Variants in DNAJC15 observed in about 807,000 individuals in gnomAD.
The protein encoded by DNAJC15 is DnaJ heat shock protein family (Hsp40) member C15, also known as dnaJ homolog subfamily C member 15.
Under a neutral mutation model 22.4 loss-of-function variants are expected in DNAJC15, and 27 were observed. The observed-to-expected ratio is 1.20, with a 90% CI of 0.89 to 1.66. The LOEUF is 1.66. DNAJC15 is among the 40% of genes most tolerant of loss of function. The pLI is 0.00. For synonymous variants in DNAJC15, 79 were observed against 63.2 expected (o/e 1.25, Z -1.19); for missense variants, 208 against 187.1 (o/e 1.11, Z -0.65).
intron 5 of DNAJC15, among the ~76,000 whole-genome samples, chr13:43,090,353 G>A (rs1593328624): frequency 6.6e-6 from 1 of 152,196 alleles, no homozygotes; most frequent in Non-Finnish European, 1.5e-5. Flanking sequence ...ATACTTCTAA[G>A]TTGGGTTTCA....
intron 1 of DNAJC15, among the ~76,000 whole-genome samples, chr13:43,031,465 T>C (rs1053904041): frequency 2.6e-5 from 4 of 152,154 alleles, no homozygotes; most frequent in African/African-American, 7.2e-5. Flanking sequence ...GACTGGGAAC[T>C]CCTCAGCAGC....
intron 5 of DNAJC15, among the ~76,000 whole-genome samples, chr13:43,088,903 C>T (rs2040701629): frequency 6.7e-6 from 1 of 150,286 alleles, no homozygotes; most frequent in Admixed American, 6.6e-5. Context: ...TTTCTTTTCC[C>T]TTCATTTCAG....
At chr13:43,058,889 G>C (rs2040543818) in intron 1 of DNAJC15, among the ~76,000 whole-genome samples, 1 of 152,156 alleles carries the variant, frequency 6.6e-6, no homozygotes, top group South Asian at 2.1e-4. Context: ...CTGTTTCCTG[G>C]ATTTTCAGGT....
intron 5 of DNAJC15, among the ~76,000 whole-genome samples, chr13:43,098,684 G>A (rs2040752898): frequency 6.6e-6 from 1 of 152,128 alleles, no homozygotes; most frequent in South Asian, 2.1e-4. Context: ...GATCACCTCA[G>A]GAAGAAACCC....
At chr13:43,054,425 A>G (rs1235896468) in intron 1 of DNAJC15, among the ~76,000 whole-genome samples, 1 of 152,208 alleles carries the variant, frequency 6.6e-6, no homozygotes, top group East Asian at 1.9e-4. Flanking sequence ...GCTTCATAGA[A>G]TGATTTAGGG....
rs981496464 is a variant in DNAJC15 at position 43,029,226 on chromosome 13, A to G, written c.108+5492A>G. Among the ~76,000 whole-genome samples, 7 of 152,342 alleles carry G rather than the reference A, an allele frequency of 4.6e-5. No homozygotes were observed. In the East Asian group the frequency reaches 1.3e-3, roughly 29 times the overall value. On this transcript the variant is annotated intron_variant, in intron 1 of 5. Coordinates refer to ENST00000379221, the MANE Select transcript of DNAJC15 (RefSeq NM_013238.3). ...GCATAAGTCCTGGCACATGCCAAAT[A>G]AATGTTTATATATTTATATGGTAAA...
chr13:43,087,009 C>T (rs575708591), intron 5 of DNAJC15, among the ~76,000 whole-genome samples: 2 of 152,224 alleles, frequency 1.3e-5, no homozygotes, highest in East Asian at 1.9e-4. Flanking sequence ...CTTGAAAACT[C>T]CCTTAACTCC....
chr13:43,081,139 G>T (rs1206312083), intron 4 of DNAJC15, among the ~76,000 whole-genome samples: 1 of 152,184 alleles, frequency 6.6e-6, no homozygotes, highest in Non-Finnish European at 1.5e-5. Context: ...TTCCTTGCAA[G>T]AGAATAGTGT....
intron 5 of DNAJC15, among the ~76,000 whole-genome samples, chr13:43,093,769 C>T (rs1442787944): frequency 6.6e-6 from 1 of 152,002 alleles, no homozygotes; most frequent in African/African-American, 2.4e-5. Context: ...AAATATTAAA[C>T]TTCTTATATA....
At chr13:43,067,482 A>T (rs2040589540) in intron 2 of DNAJC15, among the ~76,000 whole-genome samples, 1 of 152,218 alleles carries the variant, frequency 6.6e-6, no homozygotes, top group Non-Finnish European at 1.5e-5. Flanking sequence ...ATAGTTATGA[A>T]TTCAAATGTA....
intron 5 of DNAJC15, among the ~76,000 whole-genome samples, chr13:43,103,266 G>T (rs2153442342): frequency 6.6e-6 from 1 of 152,258 alleles, no homozygotes; most frequent in East Asian, 1.9e-4. Flanking sequence ...CTCTGTGTTG[G>T]AGGACTTTGT....
At chr13:43,104,694 T>C (rs78106317) in intron 5 of DNAJC15, among the ~76,000 whole-genome samples, 1 of 76,026 alleles carries the variant, frequency 1.3e-5, no homozygotes, top group South Asian at 3.1e-4. Flanking sequence ...TTTTCTTTTC[T>C]TTTTTTTTTT....
At chr13:43,028,649 C>G (rs868576343) in intron 1 of DNAJC15, among the ~76,000 whole-genome samples, 1 of 152,198 alleles carries the variant, frequency 6.6e-6, no homozygotes, top group Non-Finnish European at 1.5e-5. Flanking sequence ...TTCACATCCC[C>G]TACATTGCAC....
intron 1 of DNAJC15, among the ~76,000 whole-genome samples, chr13:43,062,774 A>G (rs2040564943): frequency 6.6e-6 from 1 of 151,974 alleles, no homozygotes; most frequent in Non-Finnish European, 1.5e-5. Context: ...GCTGGAGTGC[A>G]ATGGTGCAGT....
At chr13:43,036,952 G>T (rs1196681189) in intron 1 of DNAJC15, among the ~76,000 whole-genome samples, 1 of 152,228 alleles carries the variant, frequency 6.6e-6, no homozygotes, top group Non-Finnish European at 1.5e-5. Context: ...TTCTAAGCCT[G>T]TAGGGGCAGG....
At chr13:43,051,456 G>A (rs771666463) in intron 1 of DNAJC15, among the ~76,000 whole-genome samples, 4 of 152,080 alleles carry the variant, frequency 2.6e-5, no homozygotes, top group African/African-American at 7.2e-5. Flanking sequence ...CCCACAATCC[G>A]TTGTATCAAT....
intron 2 of DNAJC15, among the ~76,000 whole-genome samples, chr13:43,066,716 G>A (rs1317895324): frequency 1.3e-5 from 2 of 152,078 alleles, no homozygotes; most frequent in African/African-American, 4.8e-5. Context: ...TCCGCCTCCC[G>A]GGTTCATGCC....
At chr13:43,053,958 G>C (rs1229867086) in intron 1 of DNAJC15, among the ~76,000 whole-genome samples, 2 of 152,204 alleles carry the variant, frequency 1.3e-5, no homozygotes, top group Non-Finnish European at 2.9e-5. Context: ...ATGTTGAATA[G>C]AAGTGGTGTA....
Position 43,109,492 on chromosome 13 carries a change from A to T in DNAJC15, c.*2244A>T, listed in dbSNP as rs549818561. On this transcript the variant is annotated 3_prime_UTR_variant, in exon 6 of 6. Coordinates refer to ENST00000379221, the MANE Select transcript of DNAJC15 (RefSeq NM_013238.3). ...TCAGATGCACCTTTTAATTGATGTC[A>T]TATTTTCCTAATCCATACTTTATTC... 1 of 152,192 alleles carries T rather than the reference A, an allele frequency of 6.6e-6. No individual in the cohort carries two copies. Among genetic ancestry groups the T allele is most frequent in the Non-Finnish European group, 1.5e-5 (1 of 68,042 alleles). The allele number at this position is 152,192 out of a possible 1,614,324, so 9.4% of individuals were successfully genotyped here.
Sources: gnomAD v4.1 joint callset for allele counts (sites outside exome capture counted in the v4.1 genomes callset) on GRCh38, gnomAD v4.1.1 for gene constraint, MANE v1.5 for transcripts, NCBI Gene and HGNC (gene_info 2026-07-23, HGNC 2026-07-21) for gene names.